The following WDR70 variants were observed in gnomAD, a reference collection of about 807,000 sequenced individuals.
The protein encoded by WDR70 is WD repeat domain 70.
In WDR70, 53 loss-of-function variants were observed where a neutral mutation model predicts 88.6. The observed-to-expected ratio is 0.60, with a 90% CI of 0.48 to 0.75. The LOEUF (loss-of-function observed/expected upper bound fraction) is 0.75. WDR70 is among the 30% of genes least tolerant of loss of function. The pLI, the probability that WDR70 is intolerant of heterozygous loss-of-function variation, is 0.00. For synonymous variants in WDR70, 280 were observed against 270.0 expected (o/e 1.04, Z -0.36); for missense variants, 610 against 823.2 (o/e 0.74, Z 3.17).
At chr5:37,592,616 A>G (rs144158965) in intron 9 of WDR70, among the ~76,000 whole-genome samples, 70 of 152,334 alleles carry the variant, frequency 4.6e-4, no homozygotes, top group Non-Finnish European at 8.1e-4. Flanking sequence ...GAAATCAGGT[A>G]TCAAATTATG....
chr5:37,395,600 A>G (rs1014424181), intron 4 of WDR70, among the ~76,000 whole-genome samples: 1 of 152,196 alleles, frequency 6.6e-6, no homozygotes, highest in African/African-American at 2.4e-5. Flanking sequence ...TGTATTTCAG[A>G]AATTATATTG....
intron 10 of WDR70, among the ~76,000 whole-genome samples, chr5:37,691,260 A>T (rs1746786809): frequency 6.6e-6 from 1 of 152,184 alleles, no homozygotes; most frequent in African/African-American, 2.4e-5. Flanking sequence ...CCACACATTA[A>T]TAATGGGAGA....
At chr5:37,452,376 C>T (rs1738702884) in intron 7 of WDR70, among the ~76,000 whole-genome samples, 1 of 152,098 alleles carries the variant, frequency 6.6e-6, no homozygotes, top group Admixed American at 6.6e-5. Context: ...AGCGATTCTC[C>T]TGTCTCAGCC....
chr5:37,398,087 ATTTT>A (rs756446462), intron 5 of WDR70, among the ~76,000 whole-genome samples: 2 of 121,380 alleles, frequency 1.6e-5, no homozygotes, highest in Admixed American at 1.9e-4. Flanking sequence ...GGGGTAGATA[ATTTT>A]TTTTTTTTTT....
intron 9 of WDR70, among the ~76,000 whole-genome samples, chr5:37,601,651 C>G (rs1362566003): frequency 2.0e-5 from 3 of 152,042 alleles, no homozygotes; most frequent in African/African-American, 7.2e-5. Flanking sequence ...TCATCAGGTC[C>G]TGGTTTTTTT....
intron 5 of WDR70, among the ~76,000 whole-genome samples, chr5:37,434,331 G>T (rs189248255): frequency 1.3e-4 from 20 of 152,308 alleles, no homozygotes; most frequent in Admixed American, 1.3e-3. Context: ...TGGGGTCACA[G>T]CCGAACCATA....
In WDR70 at chr5:37,626,577, G is replaced by C. The variant is rs557229434; in HGVS notation, c.1092+21339G>C. Among the ~76,000 whole-genome samples, 163 of 152,192 alleles carry C rather than the reference G, an allele frequency of 1.1e-3. 3 individuals carry two copies. The South Asian group carries it at 0.033, about 30-fold the overall frequency. On this transcript the variant is annotated intron_variant, in intron 10 of 17. Coordinates refer to ENST00000265107, the MANE Select transcript of WDR70 (RefSeq NM_018034.4). ...GGATACTGGCTGTAGTTTTCCGCTT[G>C]TTGTCGTTGTTGTATCCTTATCTAG...
intron 17 of WDR70, among the ~76,000 whole-genome samples, chr5:37,740,172 A>G (rs564436646): frequency 2.6e-5 from 4 of 152,332 alleles, no homozygotes; most frequent in African/African-American, 9.6e-5. Context: ...TCCTGGTTCT[A>G]GTCCTAACAT....
At chr5:37,657,201 A>G (rs1257473448) in intron 10 of WDR70, among the ~76,000 whole-genome samples, 3 of 152,088 alleles carry the variant, frequency 2.0e-5, no homozygotes, top group Admixed American at 2.0e-4. Flanking sequence ...GCTGGAGTGT[A>G]CCATTCCTCA....
In WDR70 at chr5:37,564,505, G is replaced by C. The variant is rs184773813; in HGVS notation, c.918-40559G>C. On this transcript the variant is annotated intron_variant, in intron 9 of 17. Coordinates refer to ENST00000265107, the MANE Select transcript of WDR70 (RefSeq NM_018034.4). ...CAGTCCAGCTTTGGGTCGGCATCAG[G>C]GGGAGACCGTGGAAAGAGAGGGAGA... is the stretch of plus-strand genomic sequence containing the variant. Among the ~76,000 whole-genome samples the C allele has an allele frequency of 1.8e-4, 27 of 151,546 alleles. 1 individual carries two copies. The highest frequency in any genetic ancestry group is 1.7e-3 in the Admixed American group (26 of 15,250).
chr5:37,536,961 C>T (rs770191613), intron 9 of WDR70, among the ~76,000 whole-genome samples: 1 of 151,942 alleles, frequency 6.6e-6, no homozygotes, highest in Non-Finnish European at 1.5e-5. Flanking sequence ...ATTATCTGGC[C>T]CCATGTCCAA....
chr5:37,490,027 G>A (rs1024337643), intron 8 of WDR70, among the ~76,000 whole-genome samples: 1 of 152,054 alleles, frequency 6.6e-6, no homozygotes, highest in African/African-American at 2.4e-5. Context: ...TAGGTGGGAC[G>A]GGGGCAATTC....
At position 37,583,582 on chromosome 5, in the gene WDR70, G is replaced by C. The variant is rs113231298; in HGVS notation, c.918-21482G>C. 5.6e-4 allele frequency among the ~76,000 whole-genome samples: 74 copies of C among 132,564 alleles called. 3 individuals carry two copies. Among genetic ancestry groups the C allele is most frequent in the African/African-American group, 2.0e-3 (71 of 35,590 alleles). The allele number at this position is 132,564 out of a possible 152,430, so 87.0% of individuals were successfully genotyped here. On this transcript the variant is annotated intron_variant, in intron 9 of 17. Coordinates refer to ENST00000265107, the MANE Select transcript of WDR70 (RefSeq NM_018034.4). ...CCCTTATACTTGTGTCCTTTGAAAG[G>C]ATGATTGACTATGACACGCAGTCAT...
intron 2 of WDR70, among the ~76,000 whole-genome samples, chr5:37,380,694 C>G (rs1748399363): frequency 6.6e-6 from 1 of 152,126 alleles, no homozygotes; most frequent in Admixed American, 6.6e-5. Flanking sequence ...GTCACCCAGG[C>G]TGGAGTGTAC....
intron 10 of WDR70, among the ~76,000 whole-genome samples, chr5:37,613,494 T>C (rs1744245069): frequency 6.6e-6 from 1 of 152,258 alleles, no homozygotes; most frequent in African/African-American, 2.4e-5. Context: ...GGCAAACTGA[T>C]TTGTCTTATA....
intron 10 of WDR70, among the ~76,000 whole-genome samples, chr5:37,647,139 C>A (rs2112552725): frequency 6.6e-6 from 1 of 152,204 alleles, no homozygotes; most frequent in Middle Eastern, 3.4e-3. Context: ...TTGATCAGTG[C>A]TGCTGTTAAG....
At chr5:37,398,728 T>G (rs1010973019) in intron 5 of WDR70, among the ~76,000 whole-genome samples, 1 of 152,184 alleles carries the variant, frequency 6.6e-6, no homozygotes. Context: ...AAGAATAAAA[T>G]AAGAATAAAT....
chr5:37,615,690 C>T (rs945332821), intron 10 of WDR70, among the ~76,000 whole-genome samples: 12 of 152,198 alleles, frequency 7.9e-5, no homozygotes, highest in African/African-American at 2.9e-4. Context: ...GATTATATGC[C>T]AGAACTTACG....
chr5:37,402,322 T>TGC (rs1749221687), intron 5 of WDR70, among the ~76,000 whole-genome samples: 1 of 151,780 alleles, frequency 6.6e-6, no homozygotes, highest in African/African-American at 2.4e-5. Context: ...TGTGTGTGTG[T>TGC]GTGTGTTTTA....
Sources: allele counts gnomAD v4.1 joint callset (sites outside exome capture counted in the v4.1 genomes callset), GRCh38; gene constraint gnomAD v4.1.1; transcripts MANE v1.5; gene names NCBI Gene and HGNC (gene_info 2026-07-23, HGNC 2026-07-21).